The following NYAP2 variants were observed in gnomAD, a reference collection of about 807,000 sequenced individuals.
NYAP2 encodes neuronal tyrosine-phosphorylated phosphoinositide-3-kinase adaptor 2.
A neutral mutation model predicts 50.4 loss-of-function variants in NYAP2; 23 were observed. The observed-to-expected ratio is 0.46, with a 90% CI of 0.33 to 0.65. The LOEUF (loss-of-function observed/expected upper bound fraction) is 0.65, where lower values mean the gene tolerates loss of function less well. Ranked by LOEUF, NYAP2 falls within the 30% of genes least tolerant of loss-of-function variation. NYAP2 has a pLI of 0.02. For missense variants in NYAP2, 885 were observed against 861.0 expected (o/e 1.03, Z -0.35); for synonymous variants, 394 against 365.2 (o/e 1.08, Z -0.90).
chr2:225,467,173 T>C (rs909584082), intron 3 of NYAP2, among the ~76,000 whole-genome samples: 1 of 152,188 alleles, frequency 6.6e-6, no homozygotes. Context: ...GCATACTCAC[T>C]TGAGGCATTC....
intron 2 of NYAP2, among the ~76,000 whole-genome samples, chr2:225,408,177 C>G (rs1189612836): frequency 6.6e-6 from 1 of 151,926 alleles, no homozygotes; most frequent in Non-Finnish European, 1.5e-5. Context: ...AATGAGACAA[C>G]AGTTGTCAAT....
At chr2:225,498,173 G>A (rs1326893478) in intron 3 of NYAP2, among the ~76,000 whole-genome samples, 1 of 151,786 alleles carries the variant, frequency 6.6e-6, no homozygotes, top group Non-Finnish European at 1.5e-5. Context: ...GGGAGATAAA[G>A]GAAACATGCA....
intron 5 of NYAP2, among the ~76,000 whole-genome samples, chr2:225,589,722 G>A (rs981454381): frequency 2.6e-5 from 4 of 151,604 alleles, no homozygotes; most frequent in African/African-American, 4.9e-5. Flanking sequence ...ATTACATTTC[G>A]TTTTCATTAA....
At chr2:225,511,615 G>A (rs1292773478) in intron 3 of NYAP2, among the ~76,000 whole-genome samples, 2 of 152,096 alleles carry the variant, frequency 1.3e-5, no homozygotes, top group African/African-American at 2.4e-5. Flanking sequence ...AATATTTTGG[G>A]TTGAGTGGCA....
downstream of NYAP2, among the ~76,000 whole-genome samples, chr2:225,655,066 C>A (rs1445519124): frequency 6.6e-6 from 1 of 152,174 alleles, no homozygotes; most frequent in Non-Finnish European, 1.5e-5. Flanking sequence ...AGCCCACCAC[C>A]AGAGGTGGTA....
chr2:225,412,027 A>G (rs1184068297), intron 3 of NYAP2, among the ~76,000 whole-genome samples: 1 of 149,764 alleles, frequency 6.7e-6, no homozygotes, highest in Non-Finnish European at 1.5e-5. Context: ...TCATTTATAT[A>G]TCATTTATCA....
the NYAP2 span, among the ~76,000 whole-genome samples, chr2:225,682,444 C>A: frequency 4.6e-5 from 7 of 152,258 alleles, no homozygotes; most frequent in East Asian, 1.4e-3. Context: ...TTGAACACTT[C>A]CAGTAGCTAC....
intron 5 of NYAP2, among the ~76,000 whole-genome samples, chr2:225,622,228 C>T (rs1408022808): frequency 1.3e-5 from 2 of 152,048 alleles, no homozygotes; most frequent in African/African-American, 2.4e-5. Context: ...GACAGTGTCT[C>T]ACTATGTTGC....
intron 4 of NYAP2, among the ~76,000 whole-genome samples, chr2:225,568,710 A>G (rs1031015069): frequency 1.2e-4 from 19 of 152,358 alleles, no homozygotes; most frequent in African/African-American, 4.6e-4. Context: ...ACTGGCACCA[A>G]TAAGCTCACA....
chr2:225,572,549 C>T (rs1692091875), intron 4 of NYAP2, among the ~76,000 whole-genome samples: 1 of 152,140 alleles, frequency 6.6e-6, no homozygotes, highest in South Asian at 2.1e-4. Flanking sequence ...GAAACTACCC[C>T]CATGATTCAA....
chr2:225,556,223 G>A (rs1001969394), intron 4 of NYAP2, among the ~76,000 whole-genome samples: 1 of 151,968 alleles, frequency 6.6e-6, no homozygotes. Flanking sequence ...TCCCTTAAGT[G>A]GACATAAACA....
chr2:225,420,534 G>T lies in NYAP2; in HGVS notation c.221+11433G>T, dbSNP rs186913333. Among the ~76,000 whole-genome samples the T allele has an allele frequency of 3.4e-4, 52 of 152,212 alleles. No individual in the cohort carries two copies. The East Asian group carries it at 9.1e-3, about 27-fold the overall frequency. On this transcript the variant is annotated intron_variant, in intron 3 of 6. Transcript: ENST00000636099. ...TCATATTGGTTTGAGGATGTGAGTG[G>T]AAGCTGGCCCAACAATAACCGATAG...
exon 7 of NYAP2, chr2:225,651,730 C>A: frequency 1.4e-6 from 1 of 738,894 alleles, no homozygotes; most frequent in Admixed American, 2.8e-5. Context: ...ATCTTTCTTC[C>A]TTGTGATTGG....
chr2:225,461,052 G>A (rs1482853476), intron 3 of NYAP2, among the ~76,000 whole-genome samples: 2 of 143,620 alleles, frequency 1.4e-5, no homozygotes, highest in Admixed American at 7.0e-5. Flanking sequence ...GTGATCATTT[G>A]TACACTGCCA....
chr2:225,503,811 C>T (rs1195507192), intron 3 of NYAP2, among the ~76,000 whole-genome samples: 1 of 152,096 alleles, frequency 6.6e-6, no homozygotes, highest in Non-Finnish European at 1.5e-5. Flanking sequence ...AAAATCCATT[C>T]AATAGATTTG....
chr2:225,423,935 A>G (rs879768825), intron 3 of NYAP2, among the ~76,000 whole-genome samples: 9 of 152,186 alleles, frequency 5.9e-5, no homozygotes, highest in Admixed American at 2.0e-4. Flanking sequence ...CAGTGATGGA[A>G]ATATATGATC....
intron 3 of NYAP2, among the ~76,000 whole-genome samples, chr2:225,496,351 G>A (rs1453351151): frequency 6.6e-6 from 1 of 152,068 alleles, no homozygotes; most frequent in African/African-American, 2.4e-5. Context: ...AAGAAAGTGT[G>A]TGGCCAGGGA....
chr2:225,533,626 T>C (rs1041370023), intron 4 of NYAP2, among the ~76,000 whole-genome samples: 1 of 151,782 alleles, frequency 6.6e-6, no homozygotes, highest in Non-Finnish European at 1.5e-5. Flanking sequence ...GGGGTGGAGG[T>C]TGCAGTGAGC....
exon 7 of NYAP2, chr2:225,651,679 G>T: frequency 9.2e-7 from 1 of 1,087,102 alleles, no homozygotes; most frequent in Non-Finnish European, 1.3e-6. Context: ...GGGATGCGGG[G>T]GATGAGTTCT....
Sources: gnomAD v4.1 joint callset for allele counts (sites outside exome capture counted in the v4.1 genomes callset) on GRCh38, gnomAD v4.1.1 for gene constraint, MANE v1.5 for transcripts, NCBI Gene and HGNC (gene_info 2026-07-23, HGNC 2026-07-21) for gene names.